The following TENM1 variants were observed in gnomAD, a reference collection of about 807,000 sequenced individuals.
TENM1 encodes the protein teneurin-1.
Under a neutral mutation model 174.8 loss-of-function variants are expected in TENM1, and 35 were observed. The observed-to-expected ratio is 0.20, with a 90% CI of 0.15 to 0.27. The LOEUF is 0.27. TENM1 is among the 10% of genes least tolerant of loss of function. TENM1 has a pLI of 1.00. For missense variants in TENM1, 1,633 were observed against 2,130.1 expected (o/e 0.77, Z 4.59); for synonymous variants, 781 against 798.7 (o/e 0.98, Z 0.37).
chrX:124,783,110 A>G (rs1009656819), intron 3 of TENM1, among the ~76,000 whole-genome samples: 3 of 112,098 alleles, frequency 2.7e-5, no homozygotes, highest in African/African-American at 9.7e-5. Context: ...TCTCTATGAT[A>G]TGAGTGTACT....
chrX:124,587,079 G>A (rs2049545974), intron 11 of TENM1, among the ~76,000 whole-genome samples: 3 of 108,258 alleles, frequency 2.8e-5, no homozygotes, highest in African/African-American at 1.0e-4. Context: ...CTCATGGGTA[G>A]GAAGAATCAA....
chrX:124,604,980 A>C, intron 11 of TENM1, among the ~76,000 whole-genome samples: 1 of 107,637 alleles, frequency 9.3e-6, no homozygotes, highest in East Asian at 2.9e-4. Context: ...TTTCTGAAGA[A>C]CATCTCTAGA....
intron 22 of TENM1, among the ~76,000 whole-genome samples, chrX:124,471,478 AT>A (rs2061329091): frequency 1.5e-5 from 1 of 66,694 alleles, no homozygotes; most frequent in Non-Finnish European, 2.5e-5. Context: ...AATATATAAT[AT>A]ATAATATATA....
intron 8 of TENM1, among the ~76,000 whole-genome samples, chrX:124,649,457 C>G (rs774113748): frequency 8.9e-6 from 1 of 112,451 alleles, no homozygotes; most frequent in Non-Finnish European, 1.9e-5. Flanking sequence ...TCTTTTCAAG[C>G]CTCCATTCAG....
chrX:125,160,570 C>CAG, the TENM1 span, among the ~76,000 whole-genome samples: 24 of 47,569 alleles, frequency 5.0e-4, no homozygotes, highest in Admixed American at 1.8e-3. Context: ...AAAAAAAAAA[C>CAG]AGAGAGAGAG....
At chrX:125,079,982 T>C in the TENM1 span, among the ~76,000 whole-genome samples, 2 of 111,125 alleles carry the variant, frequency 1.8e-5, no homozygotes, top group African/African-American at 3.3e-5. Context: ...ACGGTTATCC[T>C]GCCTCATTTA....
chrX:125,147,701 C>A, the TENM1 span, among the ~76,000 whole-genome samples: 2 of 111,380 alleles, frequency 1.8e-5, no homozygotes, highest in Non-Finnish European at 3.8e-5. Context: ...CCTGGTACCA[C>A]ACCTGACCTG....
chrX:124,392,488 A>T, intron 27 of TENM1, 140 bp from the exon 31 acceptor site: 1 of 471,869 alleles, frequency 2.1e-6, no homozygotes, highest in Admixed American at 3.7e-5. Flanking sequence ...CACATTCCAC[A>T]GATGCCACCT....
At chrX:124,575,435 A>T in intron 11 of TENM1, among the ~76,000 whole-genome samples, 1 of 112,105 alleles carries the variant, frequency 8.9e-6, no homozygotes, top group Non-Finnish European at 1.9e-5. Flanking sequence ...TTAACTGAAC[A>T]AATAGCAACA....
chrX:124,861,336 A>C (rs1371669069), intron 3 of TENM1, among the ~76,000 whole-genome samples: 1 of 111,430 alleles, frequency 9.0e-6, no homozygotes, highest in Non-Finnish European at 1.9e-5. Flanking sequence ...TTGACTGCAA[A>C]TAAATATGGG....
At chrX:124,620,566 C>A (rs1476814698) in intron 11 of TENM1, among the ~76,000 whole-genome samples, 1 of 111,671 alleles carries the variant, frequency 9.0e-6, no homozygotes, top group Non-Finnish European at 1.9e-5. Context: ...TATAATATTC[C>A]AAATGCACCC....
intron 18 of TENM1, among the ~76,000 whole-genome samples, chrX:124,513,460 C>G (rs2047629083): frequency 1.8e-5 from 2 of 112,041 alleles, no homozygotes; most frequent in African/African-American, 3.2e-5. Context: ...TCATCTGTAA[C>G]CTTAATTCTC....
At chrX:125,095,604 T>C in the TENM1 span, among the ~76,000 whole-genome samples, 1 of 112,327 alleles carries the variant, frequency 8.9e-6, no homozygotes, top group Non-Finnish European at 1.9e-5. Flanking sequence ...TTACAAACTA[T>C]ACTAATTAGC....
chrX:124,480,098 G>A (rs1340446639), intron 22 of TENM1, among the ~76,000 whole-genome samples: 2 of 111,724 alleles, frequency 1.8e-5, no homozygotes, highest in African/African-American at 6.5e-5. Context: ...AGTATGTGTA[G>A]TGGGTCCCAC....
At chrX:124,693,351 TTTTG>T in intron 5 of TENM1, among the ~76,000 whole-genome samples, 1 of 111,684 alleles carries the variant, frequency 9.0e-6, no homozygotes, top group Middle Eastern at 4.6e-3. Context: ...TATTTCATTG[TTTTG>T]TTTTTCTTCT....
intron 20 of TENM1, among the ~76,000 whole-genome samples, 197 bp from the exon 24 acceptor site, chrX:124,487,426 T>A (rs1430097582): frequency 8.9e-6 from 1 of 112,022 alleles, no homozygotes; most frequent in Non-Finnish European, 1.9e-5. Flanking sequence ...CCTCCTAAGA[T>A]GGTGTCAAGG....
chrX:124,603,602 T>C (rs971349346), intron 11 of TENM1, among the ~76,000 whole-genome samples: 1 of 111,859 alleles, frequency 8.9e-6, no homozygotes, highest in Non-Finnish European at 1.9e-5. Context: ...CCCACACTTT[T>C]AACCACTACA....
intron 1 of TENM1, among the ~76,000 whole-genome samples, chrX:124,922,182 G>A (rs2147682797): frequency 9.0e-6 from 1 of 111,541 alleles, no homozygotes; most frequent in Admixed American, 9.5e-5. Context: ...TTGACTGGAT[G>A]GTAAGTTACT....
At chrX:124,672,108 A>T (rs1195273504) in intron 5 of TENM1, among the ~76,000 whole-genome samples, 1 of 111,587 alleles carries the variant, frequency 9.0e-6, no homozygotes, top group African/African-American at 3.3e-5. Context: ...CTATAGTACA[A>T]TTAGACTTAA....
Sources: gnomAD v4.1 joint callset for allele counts (sites outside exome capture counted in the v4.1 genomes callset) on GRCh38, gnomAD v4.1.1 for gene constraint, MANE v1.5 for transcripts, NCBI Gene and HGNC (gene_info 2026-07-23, HGNC 2026-07-21) for gene names.